A1CF: variants seen among roughly 807,000 people sequenced by gnomAD.
A1CF encodes APOBEC1 complementation factor, also known as APOBEC-1 stimulating protein.
In A1CF, 48 loss-of-function variants were observed where a neutral mutation model predicts 68.9. The observed-to-expected ratio is 0.70, with a 90% confidence interval of 0.55 to 0.89. A1CF has a LOEUF of 0.89. A1CF is among the 40% of genes least tolerant of loss of function. The pLI, the probability that A1CF is intolerant of heterozygous loss-of-function variation, is 0.00. For missense variants in A1CF, 653 were observed against 718.9 expected (o/e 0.91, Z 1.05); for synonymous variants, 272 against 260.4 (o/e 1.04, Z -0.43).
At chr10:50,859,811 G>A (rs778998892) in intron 3 of A1CF, 31 bp downstream of exon 3, 2 of 1,591,274 alleles carry the variant, frequency 1.3e-6, no homozygotes, top group South Asian at 1.1e-5. Flanking sequence ...AAATTCAGTG[G>A]TGAGTCTCAG....
intron 2 of A1CF, among the ~76,000 whole-genome samples, chr10:50,861,144 A>G (rs749460817): frequency 3.3e-5 from 5 of 152,140 alleles, no homozygotes; most frequent in Non-Finnish European, 5.9e-5. Flanking sequence ...CTGGGTGAAA[A>G]TTTGGGTGAA....
chr10:50,810,109 G>T, intron 11 of A1CF, 67 bp from the exon 12 acceptor site: 2 of 1,576,068 alleles, frequency 1.3e-6, no homozygotes, highest in South Asian at 1.1e-5. Flanking sequence ...GAAAACTTAA[G>T]GCACTATCAG....
At chr10:50,820,243 G>A (rs903496491) in intron 8 of A1CF, among the ~76,000 whole-genome samples, 4 of 152,146 alleles carry the variant, frequency 2.6e-5, no homozygotes, top group Non-Finnish European at 4.4e-5. Context: ...TTGAAGTAAT[G>A]AGAGAAAACT....
rs188496848 is a variant in A1CF at position 50,849,962 on chromosome 10, T to G, written c.100-5840A>C. On this transcript the variant is annotated intron_variant, in intron 3 of 12. Transcript: ENST00000373997. ...GCGCCTGCAACCATGCCTGGCTAAT[T>G]TTTTGTACTTTTTAGTAGAGACGGA... is the stretch of plus-strand genomic sequence containing the variant. 3.3e-5 allele frequency among the ~76,000 whole-genome samples: 5 copies of G among 152,166 alleles called. No homozygotes were observed. In the East Asian group the frequency reaches 9.7e-4, roughly 29 times the overall value.
intron 4 of A1CF, among the ~76,000 whole-genome samples, chr10:50,843,083 A>AT (rs1162921196): frequency 6.6e-6 from 1 of 152,236 alleles, no homozygotes; most frequent in Non-Finnish European, 1.5e-5. Context: ...CATTAAGCAC[A>AT]TGCCATTTGT....
intron 9 of A1CF, 154 bp from the exon 10 acceptor site, chr10:50,814,192 C>A (rs759040880): frequency 1.2e-5 from 9 of 734,406 alleles, no homozygotes; most frequent in African/African-American, 3.6e-5. Flanking sequence ...CTCTAGGATT[C>A]TAATGTAATG....
intron 12 of A1CF, 89 bp downstream of exon 12, chr10:50,809,805 C>G: frequency 6.4e-7 from 1 of 1,560,762 alleles, no homozygotes; most frequent in Non-Finnish European, 8.7e-7. Context: ...AAGTAGGGTA[C>G]ACAAACATTT....
At chr10:50,847,673 A>T (rs958021169) in intron 3 of A1CF, among the ~76,000 whole-genome samples, 3 of 152,148 alleles carry the variant, frequency 2.0e-5, no homozygotes, top group African/African-American at 7.2e-5. Context: ...AAAATGACAG[A>T]TACTTGATTT....
At chr10:50,868,462 T>C (rs958083056) in intron 1 of A1CF, among the ~76,000 whole-genome samples, 7 of 152,172 alleles carry the variant, frequency 4.6e-5, no homozygotes, top group African/African-American at 1.7e-4. Flanking sequence ...TAATAGAGAA[T>C]ATGTATACAT....
rs1838672702 is a variant in A1CF at position 50,821,537 on chromosome 10, AC to A, written c.770-889del. Among the ~76,000 whole-genome samples the A allele has an allele frequency of 2.4e-5, 3 of 125,118 alleles. No homozygotes were observed. The South Asian group carries it at 7.5e-4, about 31-fold the overall frequency. 82.1% of individuals were successfully genotyped at this position (125,118 alleles called of 152,430 possible). On this transcript the variant is annotated intron_variant, in intron 7 of 12. Coordinates refer to ENST00000373997, the MANE Select transcript of A1CF (RefSeq NM_014576.4). ...ATGTTGTTACATGGAAAGATTAGAG[AC>A]CTATTTTTTTTTTTCAGACGGAGTT...
chr10:50,881,257 C>A lies in A1CF; in HGVS notation c.-94+4324G>T, dbSNP rs149619128. 4.8e-3 allele frequency among the ~76,000 whole-genome samples: 729 copies of A among 152,128 alleles called. 4 individuals are homozygous for A. Among genetic ancestry groups the A allele is most frequent in the African/African-American group, 0.016 (677 of 41,518 alleles). On this transcript the variant is annotated intron_variant, in intron 1 of 12. Transcript: ENST00000373997. The stretch of plus-strand genomic sequence containing the variant: ...GCCTGCCTTGGCCTCCCATAGTGTT[C>A]GAATTACAGGCGTGAGCCACTGCGC...
intron 7 of A1CF, among the ~76,000 whole-genome samples, chr10:50,825,851 C>T (rs1838901423): frequency 6.6e-6 from 1 of 152,134 alleles, no homozygotes; most frequent in South Asian, 2.1e-4. Context: ...TTCCATTAGG[C>T]CAGTGGTTCT....
Position 50,820,534 on chromosome 10 carries a change from T to C in A1CF, c.867+18A>G, listed in dbSNP as rs1453817709. The C allele has an allele frequency of 6.8e-6, 11 of 1,608,986 alleles. No homozygotes were observed. Among genetic ancestry groups the C allele is most frequent in the African/African-American group, 2.7e-5 (2 of 74,748 alleles). ...ACTTGGATGTAATCTGCATATTTTT[T>C]TCTTTCTTCTACCTTACCTTGCCAT... On this transcript the variant is annotated intron_variant, in intron 8 of 12. Transcript: ENST00000373997.
At chr10:50,847,730 A>G (rs926512562) in intron 3 of A1CF, among the ~76,000 whole-genome samples, 8 of 152,298 alleles carry the variant, frequency 5.3e-5, no homozygotes, top group Middle Eastern at 3.4e-3. Context: ...TTGGAAAATC[A>G]TGGTTTCCTT....
At chr10:50,827,047 T>C (rs1446513374) in intron 7 of A1CF, among the ~76,000 whole-genome samples, 1 of 152,168 alleles carries the variant, frequency 6.6e-6, no homozygotes, top group Non-Finnish European at 1.5e-5. Context: ...GGCCATTACA[T>C]AATGGTAAAG....
At chr10:50,852,869 C>T (rs142739588) in intron 3 of A1CF, among the ~76,000 whole-genome samples, 1,579 of 152,164 alleles carry the variant, frequency 0.01, 37 homozygotes, top group African/African-American at 0.036. Flanking sequence ...GAGGAACATT[C>T]AATTAAAATT....
At chr10:50,847,567 G>T (rs1295145841) in intron 3 of A1CF, among the ~76,000 whole-genome samples, 2 of 152,184 alleles carry the variant, frequency 1.3e-5, no homozygotes, top group Non-Finnish European at 2.9e-5. Flanking sequence ...TTAGCATGAA[G>T]ATTGAATGAA....
chr10:50,847,856 A>G (rs1840068038), intron 3 of A1CF, among the ~76,000 whole-genome samples: 1 of 152,140 alleles, frequency 6.6e-6, no homozygotes, highest in Non-Finnish European at 1.5e-5. Flanking sequence ...ACATTTCCTT[A>G]TCATGACAAT....
At chr10:50,874,312 T>C (rs1230906559) in intron 1 of A1CF, among the ~76,000 whole-genome samples, 2 of 152,116 alleles carry the variant, frequency 1.3e-5, no homozygotes, top group Non-Finnish European at 2.9e-5. Flanking sequence ...TAAAATTGTA[T>C]AATTTATGAT....
Sources: gnomAD v4.1 joint callset for allele counts (sites outside exome capture counted in the v4.1 genomes callset) on GRCh38, gnomAD v4.1.1 for gene constraint, MANE v1.5 for transcripts, NCBI Gene and HGNC (gene_info 2026-07-23, HGNC 2026-07-21) for gene names.